The following UGT1A7 variants were observed in gnomAD, a reference collection of about 807,000 sequenced individuals.
UGT1A7 encodes UDP-glucuronosyltransferase 1A7.
In UGT1A7, 33 loss-of-function variants were observed where a neutral mutation model predicts 45.6. That is an observed-to-expected ratio of 0.72 (90% confidence interval 0.55 to 0.97). The LOEUF is 0.97. UGT1A7 is among the 50% of genes least tolerant of loss of function. The pLI is 0.00. For synonymous variants in UGT1A7, 274 were observed against 250.6 expected (o/e 1.09, Z -0.88); for missense variants, 684 against 666.2 (o/e 1.03, Z -0.29).
At chr2:233,700,860 T>C (rs762823584) in intron 1 of UGT1A7, among the ~76,000 whole-genome samples, 4 of 152,140 alleles carry the variant, frequency 2.6e-5, no homozygotes, top group East Asian at 1.9e-4. Flanking sequence ...CTCCTAATGC[T>C]ATCCCTCCCT....
At position 233,764,478 on chromosome 2, in the gene UGT1A7, C is replaced by T. The variant is rs370150887; in HGVS notation, c.856-2556C>T. ...TTCGTGATCTCCTGCTATTTAACTT[C>T]GAATGTTTATGGACCTGTGGGTTCA... On this transcript the variant is annotated intron_variant, in intron 1 of 4. Transcript: ENST00000373426. 3.4e-4 allele frequency among the ~76,000 whole-genome samples: 51 copies of T among 152,200 alleles called. 2 individuals are homozygous for T. Among genetic ancestry groups the T allele is most frequent in the East Asian group, 3.1e-3 (16 of 5,174 alleles).
chr2:233,697,239 A>G (rs2075381553), intron 1 of UGT1A7, among the ~76,000 whole-genome samples: 1 of 152,000 alleles, frequency 6.6e-6, no homozygotes, highest in Non-Finnish European at 1.5e-5. Context: ...ACTTTTTATT[A>G]CTGCTTCAAT....
chr2:233,691,641 G>A (rs570719818), intron 1 of UGT1A7: 1 of 985,540 alleles, frequency 1.0e-6, no homozygotes, highest in South Asian at 4.7e-5. Flanking sequence ...AGCAGGCAGG[G>A]CCAGTGTGAC....
intron 1 of UGT1A7, among the ~76,000 whole-genome samples, chr2:233,756,899 G>C (rs917423369): frequency 1.6e-4 from 25 of 152,034 alleles, no homozygotes; most frequent in African/African-American, 5.8e-4. Context: ...TATCTCACCA[G>C]AACAAACTTC....
intron 1 of UGT1A7, among the ~76,000 whole-genome samples, chr2:233,720,460 C>T (rs1575532860): frequency 1.3e-5 from 2 of 152,110 alleles, no homozygotes; most frequent in East Asian, 3.9e-4. Flanking sequence ...GAAGCTGGGA[C>T]CAGTGATGAA....
chr2:233,754,764 C>T (rs570859528), intron 1 of UGT1A7: 2 of 981,308 alleles, frequency 2.0e-6, no homozygotes, highest in East Asian at 6.0e-5. Flanking sequence ...AAGGCCCCCA[C>T]TTCCCAGGGA....
At chr2:233,764,893 C>A (rs1252796776) in intron 1 of UGT1A7, among the ~76,000 whole-genome samples, 1 of 150,656 alleles carries the variant, frequency 6.6e-6, no homozygotes, top group Non-Finnish European at 1.5e-5. Flanking sequence ...AAAGACAAAG[C>A]CCTTAAGAGC....
chr2:233,730,376 G>A (rs1316829383), intron 1 of UGT1A7, among the ~76,000 whole-genome samples: 1 of 152,114 alleles, frequency 6.6e-6, no homozygotes, highest in Non-Finnish European at 1.5e-5. Context: ...GATTTTCAGG[G>A]GAAAGATGAT....
intron 1 of UGT1A7, chr2:233,742,995 C>A (rs1168922692): frequency 4.3e-6 from 1 of 233,716 alleles, no homozygotes; most frequent in African/African-American, 2.3e-5. Flanking sequence ...TAGCAAATTG[C>A]ATACAGATAT....
intron 1 of UGT1A7, chr2:233,693,203 T>C (rs763106446): frequency 6.2e-7 from 1 of 1,614,132 alleles, no homozygotes; most frequent in South Asian, 1.1e-5. Flanking sequence ...TAATTTGCTT[T>C]TGAAAGAATC....
chr2:233,721,859 C>T (rs1575539894), intron 1 of UGT1A7: 4 of 508,764 alleles, frequency 7.9e-6, no homozygotes, highest in Non-Finnish European at 1.6e-5. Flanking sequence ...CACTGCTCGG[C>T]CCTGGGCACA....
At chr2:233,718,637 T>G in intron 1 of UGT1A7, 10 of 1,451,642 alleles carry the variant, frequency 6.9e-6, no homozygotes, top group Non-Finnish European at 8.3e-6. Context: ...TTTCCCAGGG[T>G]TGGGCCCATA....
At chr2:233,700,966 G>A (rs936237302) in intron 1 of UGT1A7, among the ~76,000 whole-genome samples, 4 of 151,880 alleles carry the variant, frequency 2.6e-5, no homozygotes, top group African/African-American at 4.8e-5. Context: ...GAGAACATGC[G>A]GTGTTTGATT....
intron 1 of UGT1A7, among the ~76,000 whole-genome samples, chr2:233,720,256 G>C (rs1200370479): frequency 6.6e-6 from 1 of 152,186 alleles, no homozygotes; most frequent in East Asian, 1.9e-4. Flanking sequence ...AGTTTCCAGA[G>C]AGGGATCTGT....
chr2:233,689,176 AGGTGCCCCTGGAACT>A (rs1354231899), intron 1 of UGT1A7, among the ~76,000 whole-genome samples: 1 of 152,222 alleles, frequency 6.6e-6, no homozygotes, highest in Non-Finnish European at 1.5e-5. Flanking sequence ...CTACTAGGAC[AGGTGCCCCTGGAACT>A]GTCTGGCTGG....
In UGT1A7 at chr2:233,723,536, T is replaced by TTTTA. The variant is rs1553611580; in HGVS notation, c.855+40744_855+40745insTTTA. The stretch of plus-strand genomic sequence containing the variant: ...ACAATCTTTTTTTTTTTTTTTTTTT[T>TTTTA]AATTTATTTTTTTATTGATAATTCT... On this transcript the variant is annotated intron_variant, in intron 1 of 4. Transcript: ENST00000373426. 3.3e-5 allele frequency among the ~76,000 whole-genome samples: 4 copies of TTTTA among 121,446 alleles called. 1 individual carries two copies. Among genetic ancestry groups the TTTTA allele is most frequent in the Admixed American group, 1.7e-4 (2 of 11,926 alleles). 79.7% of individuals were successfully genotyped at this position (121,446 alleles called of 152,430 possible). A position where few individuals can be genotyped will look rare whatever the true frequency, so the allele number is the denominator to read the frequency against.
intron 1 of UGT1A7, among the ~76,000 whole-genome samples, chr2:233,696,207 T>C (rs1053095318): frequency 6.6e-6 from 1 of 152,240 alleles, no homozygotes; most frequent in Non-Finnish European, 1.5e-5. Context: ...ATGTTTATTA[T>C]AGCACTATTC....
chr2:233,747,536 G>T (rs1693706230), intron 1 of UGT1A7: 1 of 1,605,072 alleles, frequency 6.2e-7, no homozygotes, highest in Non-Finnish European at 8.5e-7. Flanking sequence ...ATTTTCTGAA[G>T]ACATTTTCTA....
chr2:233,732,056 T>C (rs1452180341), intron 1 of UGT1A7, among the ~76,000 whole-genome samples: 3 of 152,242 alleles, frequency 2.0e-5, no homozygotes, highest in Admixed American at 6.5e-5. Context: ...CATTTATTCA[T>C]GTGTCTGTTG....
Sources: gnomAD v4.1 joint callset for allele counts (sites outside exome capture counted in the v4.1 genomes callset) on GRCh38, gnomAD v4.1.1 for gene constraint, MANE v1.5 for transcripts, NCBI Gene and HGNC (gene_info 2026-07-23, HGNC 2026-07-21) for gene names.